The following SSBP3 variants were observed in gnomAD, a reference collection of about 807,000 sequenced individuals.
SSBP3 encodes the protein single stranded DNA binding protein 3, also known as single-stranded DNA-binding protein 3.
In SSBP3, 5 loss-of-function variants were observed where a neutral mutation model predicts 69.6. The ratio of observed to expected loss-of-function variants is 0.07; its 90% CI spans 0.04 to 0.15. SSBP3 has a LOEUF of 0.15. Ranked by LOEUF, SSBP3 falls within the 10% of genes least tolerant of loss-of-function variation. The probability of loss-of-function intolerance (pLI) is 1.00; values close to 1 mark genes in which losing one functional copy is unlikely to be tolerated. For missense variants in SSBP3, 312 were observed against 534.0 expected, an observed-to-expected ratio of 0.58 and a Z score of 4.10; for synonymous variants, 196 against 193.4, an observed-to-expected ratio of 1.01 and a Z score of -0.11.
chr1:54,331,488 AAG>A (rs1646409838), intron 4 of SSBP3, among the ~76,000 whole-genome samples: 1 of 152,324 alleles, frequency 6.6e-6, no homozygotes, highest in East Asian at 1.9e-4. Context: ...GACAGTGACA[AAG>A]AGAGTTTTCT....
At chr1:54,402,303 T>TA (rs1328213790) in intron 3 of SSBP3, among the ~76,000 whole-genome samples, 1 of 152,208 alleles carries the variant, frequency 6.6e-6, no homozygotes, top group African/African-American at 2.4e-5. Context: ...ATGGATGCCC[T>TA]AGGAGGATGA....
intron 4 of SSBP3, among the ~76,000 whole-genome samples, chr1:54,302,364 G>GGCTGGAATGCAGTGGCGTGATT (rs1645818690): frequency 6.7e-6 from 1 of 149,480 alleles, no homozygotes; most frequent in Non-Finnish European, 1.5e-5. Context: ...CTGTCACCCA[G>GGCTGGAATGCAGTGGCGTGATT]GCTGGAATGC....
At chr1:54,412,310 C>T (rs191538578) in intron 1 of SSBP3, among the ~76,000 whole-genome samples, 1 of 152,190 alleles carries the variant, frequency 6.6e-6, no homozygotes, top group Non-Finnish European at 1.5e-5. Context: ...GCCAGGGCGA[C>T]AGAACGAAAC....
At chr1:54,243,263 G>A (rs751770494) in exon 10 of SSBP3, 1 of 1,613,968 alleles carries the variant, frequency 6.2e-7, no homozygotes, top group Admixed American at 1.7e-5. Context: ...GCGGGGCCGA[G>A]GGAGTTGGGT....
intron 4 of SSBP3, among the ~76,000 whole-genome samples, chr1:54,339,936 G>A (rs1344216474): frequency 2.6e-5 from 4 of 152,118 alleles, no homozygotes; most frequent in South Asian, 2.1e-4. Context: ...AAGAAAGAAC[G>A]AAAGGGGAAA....
At chr1:54,225,506 CTTTT>C (rs919062267) in exon 18 of SSBP3, 11 of 1,067,660 alleles carry the variant, frequency 1.0e-5, no homozygotes, top group African/African-American at 3.3e-5. Flanking sequence ...ATCATAATTA[CTTTT>C]TTTTCCTCTC....
At chr1:54,226,590 T>C (rs1644288324) in exon 18 of SSBP3, 1 of 158,718 alleles carries the variant, frequency 6.3e-6, no homozygotes, top group Non-Finnish European at 1.4e-5. Flanking sequence ...ACACCTAGAC[T>C]AGCTTTTCTG....
intron 4 of SSBP3, among the ~76,000 whole-genome samples, chr1:54,328,233 G>A (rs897896466): frequency 6.6e-6 from 1 of 152,114 alleles, no homozygotes; most frequent in Non-Finnish European, 1.5e-5. Context: ...GGACCACATC[G>A]TCCAGTGTGT....
intron 3 of SSBP3, among the ~76,000 whole-genome samples, chr1:54,403,407 C>T (rs1223707433): frequency 6.6e-6 from 1 of 152,134 alleles, no homozygotes; most frequent in African/African-American, 2.4e-5. Flanking sequence ...AATCATAAAC[C>T]TAAGTTTCTA....
chr1:54,238,027 G>GA (rs1226552505), intron 14 of SSBP3: 3 of 400,568 alleles, frequency 7.5e-6, no homozygotes, highest in South Asian at 5.6e-5. Context: ...CTGCATCACT[G>GA]ACAAAACCCA....
chr1:54,360,369 C>T (rs941396118), intron 4 of SSBP3, among the ~76,000 whole-genome samples: 13 of 152,172 alleles, frequency 8.5e-5, no homozygotes, highest in African/African-American at 3.1e-4. Flanking sequence ...TACTGGCACA[C>T]GATAGGCACT....
chr1:54,225,490 C>A, exon 18 of SSBP3: 1 of 1,129,264 alleles, frequency 8.9e-7, no homozygotes, highest in Non-Finnish European at 1.1e-6. Context: ...ACACAAACTA[C>A]AATGTATCAT....
At chr1:54,366,921 C>T (rs1647037218) in intron 4 of SSBP3, among the ~76,000 whole-genome samples, 1 of 152,162 alleles carries the variant, frequency 6.6e-6, no homozygotes, top group African/African-American at 2.4e-5. Context: ...CTCAGTACTT[C>T]CCCCTCCCAT....
At chr1:54,346,618 T>C (rs950140425) in intron 4 of SSBP3, among the ~76,000 whole-genome samples, 2 of 151,774 alleles carry the variant, frequency 1.3e-5, no homozygotes, top group Non-Finnish European at 1.5e-5. Context: ...ATCGAGACCA[T>C]CCTGACTGAC....
rs1362552387 is a variant in SSBP3, at chr1:54,348,245, GGC to G, written c.276+53614_276+53615del. ...GGTTTGGGAAATAGAAGGCATGGGG[GGC>G]GGGGGGGGGGGGGCGGGTGAGGACA... On this transcript the variant is annotated intron_variant, in intron 4 of 17. Coordinates refer to ENST00000610401, the Ensembl canonical transcript of SSBP3. 5.8e-5 allele frequency among the ~76,000 whole-genome samples: 6 copies of G among 104,296 alleles called. No homozygotes were observed. In the East Asian group the frequency reaches 1.4e-3, roughly 25 times the overall value. 68.4% of individuals were successfully genotyped at this position (104,296 alleles called of 152,430 possible). A position where few individuals can be genotyped will look rare whatever the true frequency, so the allele number is the denominator to read the frequency against.
At position 54,352,580 on chromosome 1, in the gene SSBP3, T is replaced by A. The variant is rs796279126; in HGVS notation, c.276+49281A>T. On this transcript the variant is annotated intron_variant, in intron 4 of 17. Transcript: ENST00000610401. Reference sequence around the variant, plus strand: ...TCATCCATATGGGGTCTTACTATAGTAATGTTAATGGAACAAGGCAAGGGG... The same window carrying A: ...TCATCCATATGGGGTCTTACTATAGAAATGTTAATGGAACAAGGCAAGGGG... Among the ~76,000 whole-genome samples, 35 of 152,274 alleles carry A rather than the reference T, an allele frequency of 2.3e-4. 1 individual carries two copies. The highest frequency in any genetic ancestry group is 8.2e-4 in the African/African-American group (34 of 41,564).
At chr1:54,410,669 A>G (rs983449345), upstream of SSBP3, among the ~76,000 whole-genome samples, 13 of 152,214 alleles carry the variant, frequency 8.5e-5, no homozygotes, top group African/African-American at 3.1e-4. Context: ...TCCAACACGC[A>G]AAGACCTGGC....
rs780369559 is a variant in SSBP3, at chr1:54,228,860, G to A, written c.928-34C>T. 2.9e-5 allele frequency: 47 copies of A among 1,599,304 alleles called. No homozygotes were observed. The East Asian group carries it at 8.6e-4, about 29-fold the overall frequency. ...GAAGCACAGGGCATGGCAGCTCAGC[G>A]GGCCCTGGCCCTCTGCACCCCTCAC... On this transcript the variant is annotated intron_variant, in intron 14 of 17. Coordinates refer to ENST00000610401, the Ensembl canonical transcript of SSBP3.
intron 4 of SSBP3, among the ~76,000 whole-genome samples, chr1:54,366,237 C>T (rs974298102): frequency 3.9e-5 from 6 of 152,178 alleles, no homozygotes; most frequent in African/African-American, 1.4e-4. Context: ...GTTGCCCACA[C>T]GACTCTGAAG....
Sources: allele counts gnomAD v4.1 joint callset (sites outside exome capture counted in the v4.1 genomes callset), GRCh38; gene constraint gnomAD v4.1.1; transcripts MANE v1.5; gene names NCBI Gene and HGNC (gene_info 2026-07-23, HGNC 2026-07-21).